Variants in C8orf34 observed in about 807,000 individuals in gnomAD.
The protein encoded by C8orf34 is uncharacterized protein C8orf34.
C8orf34 carries 65 observed loss-of-function variants against 68.3 expected under a neutral mutation model. That is an observed-to-expected ratio of 0.95 (90% CI 0.78 to 1.17). The LOEUF is 1.17. C8orf34 is among the 50% of genes most tolerant of loss of function. The pLI is 0.00. For synonymous variants in C8orf34, 244 were observed against 241.2 expected (o/e 1.01, Z -0.11); for missense variants, 664 against 655.4 (o/e 1.01, Z -0.14).
At chr8:68,750,070 A>G (rs1352399588) in intron 10 of C8orf34, among the ~76,000 whole-genome samples, 1 of 152,192 alleles carries the variant, frequency 6.6e-6, no homozygotes, top group Non-Finnish European at 1.5e-5. Context: ...AACAAAATTA[A>G]TGTTGTGAAA....
At chr8:68,536,344 G>C (rs1192410321) in intron 7 of C8orf34, among the ~76,000 whole-genome samples, 2 of 134,174 alleles carry the variant, frequency 1.5e-5, no homozygotes, top group Non-Finnish European at 3.1e-5. Context: ...GGGTGACAGA[G>C]GGAGACCCTA....
rs544688130 is a variant in C8orf34 at position 68,790,834 on chromosome 8, C to G, written c.1549+3298C>G. On this transcript the variant is annotated intron_variant, in intron 12 of 13. Transcript: ENST00000518698. ...TTTCAGACCTACTAAATCAGAATCT[C>G]TGTGGCTGGGACTCTGAATTCTGCA... 197 of 701,470 alleles carry G rather than the reference C, an allele frequency of 2.8e-4. 2 individuals are homozygous for G. The South Asian group carries it at 2.9e-3, about 10-fold the overall frequency. The allele number at this position is 701,470 out of a possible 1,614,324, so 43.5% of individuals were successfully genotyped here.
intron 7 of C8orf34, among the ~76,000 whole-genome samples, chr8:68,565,189 A>G (rs1306862083): frequency 6.6e-6 from 1 of 152,104 alleles, no homozygotes; most frequent in Non-Finnish European, 1.5e-5. Flanking sequence ...CCAGATTGGC[A>G]TCATTGCTCC....
At chr8:68,454,887 T>C (rs948832623) in intron 3 of C8orf34, among the ~76,000 whole-genome samples, 53 of 152,082 alleles carry the variant, frequency 3.5e-4, no homozygotes, top group African/African-American at 1.3e-3. Flanking sequence ...CATTTACTGC[T>C]ATAAATTTCT....
At chr8:68,407,747 CA>C (rs1274345037) in intron 1 of C8orf34, among the ~76,000 whole-genome samples, 1 of 152,066 alleles carries the variant, frequency 6.6e-6, no homozygotes, top group Non-Finnish European at 1.5e-5. Context: ...TATACTTTCC[CA>C]TTTTTTTTGT....
Position 68,375,405 on chromosome 8 carries a change from G to A in C8orf34, c.327+44066G>A, listed in dbSNP as rs1586012335. On this transcript the variant is annotated intron_variant, in intron 1 of 13. Coordinates refer to ENST00000518698, the MANE Select transcript of C8orf34 (RefSeq NM_052958.4). ...AAAGCTGAAACAAAAATTAATCTAAGTAAAAGTTCTGATAATCCCTAACAA... is the reference window on the plus strand; with the variant it reads ...AAAGCTGAAACAAAAATTAATCTAAATAAAAGTTCTGATAATCCCTAACAA... 7.9e-5 allele frequency among the ~76,000 whole-genome samples: 12 copies of A among 152,262 alleles called. 2 individuals carry two copies. In the South Asian group the frequency reaches 2.5e-3, roughly 32 times the overall value.
At chr8:68,459,985 G>C (rs1443910102) in intron 3 of C8orf34, among the ~76,000 whole-genome samples, 2 of 152,192 alleles carry the variant, frequency 1.3e-5, no homozygotes, top group African/African-American at 4.8e-5. Context: ...AGCAGGACAA[G>C]GCATTGCCTC....
At chr8:68,361,015 A>T (rs1322461195) in intron 1 of C8orf34, among the ~76,000 whole-genome samples, 1 of 152,032 alleles carries the variant, frequency 6.6e-6, no homozygotes, top group Non-Finnish European at 1.5e-5. Context: ...TTGGCCTCTG[A>T]AAGTGCTGGG....
At chr8:68,344,347 A>G (rs538954702) in intron 1 of C8orf34, among the ~76,000 whole-genome samples, 38 of 152,340 alleles carry the variant, frequency 2.5e-4, no homozygotes, top group African/African-American at 8.9e-4. Context: ...GATTACATTT[A>G]TAAAATAGTG....
rs1374069150 is a variant in C8orf34, at chr8:68,332,455, A to G, written c.327+1116A>G. On this transcript the variant is annotated intron_variant, in intron 1 of 13. Transcript: ENST00000518698. ...GCTTGGTTTGGGGTGAGGGCTTGGT[A>G]TGGGGAGGAGGTTACGTGTCAGTGT... Among the ~76,000 whole-genome samples, 4 of 133,184 alleles carry G rather than the reference A, an allele frequency of 3.0e-5. No homozygotes were observed. The East Asian group carries it at 9.8e-4, about 33-fold the overall frequency. 87.4% of individuals were successfully genotyped at this position (133,184 alleles called of 152,430 possible).
At chr8:68,406,591 G>T (rs1403622751) in intron 1 of C8orf34, among the ~76,000 whole-genome samples, 3 of 151,976 alleles carry the variant, frequency 2.0e-5, no homozygotes, top group African/African-American at 7.3e-5. Context: ...CTGCCTCCAG[G>T]TTCTAGTGAT....
intron 12 of C8orf34, among the ~76,000 whole-genome samples, chr8:68,814,246 C>T (rs75178397): frequency 0.025 from 3,844 of 152,270 alleles, 134 homozygotes; most frequent in African/African-American, 0.088. Flanking sequence ...GGGCTCCATC[C>T]CAGATCTACT....
intron 7 of C8orf34, among the ~76,000 whole-genome samples, chr8:68,553,269 T>A (rs1586364309): frequency 6.6e-6 from 1 of 150,772 alleles, no homozygotes; most frequent in South Asian, 2.1e-4. Flanking sequence ...CCTGTAGTCC[T>A]AGCTACTTGG....
chr8:68,615,463 C>CAATATAATTTATTGAG (rs1377889534), intron 7 of C8orf34, among the ~76,000 whole-genome samples: 6 of 152,116 alleles, frequency 3.9e-5, no homozygotes, highest in Non-Finnish European at 2.9e-5. Flanking sequence ...AGATACGTCC[C>CAATATAATTTATTGAG]ATCAATACCT....
At chr8:68,484,602 T>C (rs1812997210) in intron 4 of C8orf34, among the ~76,000 whole-genome samples, 1 of 152,292 alleles carries the variant, frequency 6.6e-6, no homozygotes, top group South Asian at 2.1e-4. Context: ...ATGATACCTT[T>C]TAAAAGTTAA....
At chr8:68,778,869 A>G (rs1040588908) in intron 11 of C8orf34, among the ~76,000 whole-genome samples, 4 of 152,112 alleles carry the variant, frequency 2.6e-5, no homozygotes, top group Non-Finnish European at 4.4e-5. Context: ...TAGCAAATTT[A>G]ATCCATTTAC....
intron 8 of C8orf34, among the ~76,000 whole-genome samples, chr8:68,691,532 T>G (rs918922834): frequency 3.9e-5 from 6 of 152,098 alleles, no homozygotes; most frequent in South Asian, 2.1e-4. Context: ...AGTGAATTAT[T>G]TAAATATCTT....
chr8:68,587,560 G>GT (rs1817244942), intron 7 of C8orf34, among the ~76,000 whole-genome samples: 1 of 151,750 alleles, frequency 6.6e-6, no homozygotes, highest in Non-Finnish European at 1.5e-5. Context: ...AGGAAAGATA[G>GT]ATAAGCATTG....
intron 8 of C8orf34, among the ~76,000 whole-genome samples, chr8:68,672,178 G>T (rs1038844918): frequency 1.4e-5 from 2 of 147,948 alleles, no homozygotes; most frequent in Non-Finnish European, 3.0e-5. Flanking sequence ...AGGCAAGGGG[G>T]AAGGATTTAG....
Sources: allele counts gnomAD v4.1 joint callset (sites outside exome capture counted in the v4.1 genomes callset), GRCh38; gene constraint gnomAD v4.1.1; transcripts MANE v1.5; gene names NCBI Gene and HGNC (gene_info 2026-07-23, HGNC 2026-07-21).